GPD2: variants seen among roughly 807,000 people sequenced by gnomAD.
GPD2 encodes the protein glycerol-3-phosphate dehydrogenase, mitochondrial.
A neutral mutation model predicts 82.4 loss-of-function variants in GPD2; 54 were observed. The observed-to-expected ratio is 0.66, with a 90% CI of 0.53 to 0.82. The LOEUF (loss-of-function observed/expected upper bound fraction) is 0.82. Ranked by LOEUF, GPD2 falls within the 40% of genes least tolerant of loss-of-function variation. The probability of loss-of-function intolerance (pLI) is 0.00; values close to 1 mark genes in which losing one functional copy is unlikely to be tolerated. For missense variants in GPD2, 748 were observed against 896.2 expected (o/e 0.83, Z 2.11); for synonymous variants, 288 against 306.1 (o/e 0.94, Z 0.62).
intron 9 of GPD2, among the ~76,000 whole-genome samples, chr2:156,566,412 C>T (rs969549484): frequency 1.3e-5 from 2 of 152,108 alleles, no homozygotes; most frequent in African/African-American, 4.8e-5. Flanking sequence ...AACTACCATT[C>T]TACTTTCTGC....
the GPD2 span, among the ~76,000 whole-genome samples, chr2:156,409,018 C>A: frequency 1.3e-5 from 2 of 152,136 alleles, no homozygotes; most frequent in South Asian, 4.1e-4. Context: ...GAGAGACACG[C>A]ATACCATCTG....
intron 6 of GPD2, among the ~76,000 whole-genome samples, chr2:156,522,756 C>A (rs1441867637): frequency 6.7e-6 from 1 of 149,118 alleles, no homozygotes; most frequent in Non-Finnish European, 1.5e-5. Flanking sequence ...ATTATGATCT[C>A]TATTTTACAG....
chr2:156,528,783 G>A (rs1685712677), intron 6 of GPD2, among the ~76,000 whole-genome samples: 1 of 151,860 alleles, frequency 6.6e-6, no homozygotes. Flanking sequence ...ATTTTTTATG[G>A]CTGCATAGTA....
the GPD2 span, among the ~76,000 whole-genome samples, chr2:156,426,208 C>T: frequency 9.8e-5 from 15 of 152,314 alleles, no homozygotes; most frequent in East Asian, 1.9e-3. Flanking sequence ...CAGGCGTGAG[C>T]CACCACGCCC....
At position 156,566,228 on chromosome 2, in the gene GPD2, A is replaced by G. The variant is rs188259320; in HGVS notation, c.1166-2597A>G. On this transcript the variant is annotated intron_variant, in intron 9 of 16. Transcript: ENST00000438166. ...TAGATTATGGTTAAATATGCAGAAC[A>G]TAAAATTTACCATTTTAACCATTTT... Among the ~76,000 whole-genome samples, 569 of 152,264 alleles carry G rather than the reference A, an allele frequency of 3.7e-3. 2 individuals are homozygous for G. Among genetic ancestry groups the G allele is most frequent in the Non-Finnish European group, 6.3e-3 (429 of 67,992 alleles).
the GPD2 span, among the ~76,000 whole-genome samples, chr2:156,415,582 A>T: frequency 7.0e-4 from 107 of 152,110 alleles, no homozygotes; most frequent in African/African-American, 2.4e-3. Context: ...AGGGCCAGGC[A>T]CTGTGGCTCA....
In GPD2 at chr2:156,527,280, T is replaced by C. The variant is rs369602300; in HGVS notation, c.661+13784T>C. 1.8e-4 allele frequency among the ~76,000 whole-genome samples: 27 copies of C among 152,226 alleles called. No homozygotes were observed. In the East Asian group the frequency reaches 5.0e-3, roughly 28 times the overall value. ...AAAAAAAAAACTGTGAAAAAAAGTC[T>C]TCGGTACATAGTTTTTATAAATATA... On this transcript the variant is annotated intron_variant, in intron 6 of 16. Coordinates refer to ENST00000438166, the MANE Select transcript of GPD2 (RefSeq NM_000408.5).
chr2:156,412,402 G>A, the GPD2 span, among the ~76,000 whole-genome samples: 6 of 149,264 alleles, frequency 4.0e-5, no homozygotes, highest in African/African-American at 1.5e-4. Context: ...TCTTGCCACT[G>A]CACTACAGCC....
At chr2:156,513,606 A>G in intron 6 of GPD2, 110 bp downstream of exon 6, 1 of 850,704 alleles carries the variant, frequency 1.2e-6, no homozygotes, top group Non-Finnish European at 1.9e-6. Flanking sequence ...CTAATCTTAC[A>G]CAACACACAA....
At chr2:156,438,223 CAA>C (rs552797479) in intron 1 of GPD2, among the ~76,000 whole-genome samples, 430 of 152,282 alleles carry the variant, frequency 2.8e-3, no homozygotes, top group South Asian at 0.013. Context: ...AGCGGGGAGC[CAA>C]AGACTTTGGC....
intron 6 of GPD2, among the ~76,000 whole-genome samples, chr2:156,524,378 T>C (rs1685530186): frequency 6.6e-6 from 1 of 152,182 alleles, no homozygotes; most frequent in Non-Finnish European, 1.5e-5. Context: ...AGCTGGGTGG[T>C]TGTCACTTGG....
chr2:156,532,293 C>A (rs1187041964), intron 6 of GPD2, among the ~76,000 whole-genome samples: 4 of 152,172 alleles, frequency 2.6e-5, no homozygotes, highest in Non-Finnish European at 4.4e-5. Flanking sequence ...AGATGTGAGC[C>A]ACTGCATCCA....
chr2:156,549,828 A>G, intron 7 of GPD2, 56 bp downstream of exon 7: 1 of 1,240,910 alleles, frequency 8.1e-7, no homozygotes, highest in South Asian at 1.2e-5. Flanking sequence ...AGCTTATATA[A>G]TGACTGAATT....
At chr2:156,446,996 C>T (rs1682390647) in intron 1 of GPD2, among the ~76,000 whole-genome samples, 1 of 152,072 alleles carries the variant, frequency 6.6e-6, no homozygotes, top group Admixed American at 6.6e-5. Context: ...TTGATGCTTT[C>T]CCCCGTACTC....
At chr2:156,543,521 T>G (rs900207191) in intron 6 of GPD2, among the ~76,000 whole-genome samples, 1 of 152,176 alleles carries the variant, frequency 6.6e-6, no homozygotes, top group Non-Finnish European at 1.5e-5. Flanking sequence ...AATAAATGAG[T>G]GAATATTCCA....
At chr2:156,419,049 CTTTTTTTTTTTTTTT>C in the GPD2 span, among the ~76,000 whole-genome samples, 3 of 77,216 alleles carry the variant, frequency 3.9e-5, no homozygotes, top group Non-Finnish European at 8.0e-5. Flanking sequence ...TTCTTTCCTT[CTTTTTTTTTTTTTTT>C]TTTTTTTTTT....
intron 1 of GPD2, among the ~76,000 whole-genome samples, chr2:156,444,605 C>T (rs1403656092): frequency 6.6e-6 from 1 of 151,922 alleles, no homozygotes; most frequent in Non-Finnish European, 1.5e-5. Flanking sequence ...CCTAGCTACT[C>T]GGGAGGCTGA....
chr2:156,459,706 A>AAAAAAAAAAAAAAAAG (rs1553465808), intron 1 of GPD2, among the ~76,000 whole-genome samples: 2 of 148,968 alleles, frequency 1.3e-5, no homozygotes, highest in South Asian at 2.2e-4. Flanking sequence ...AAAAAAAAAA[A>AAAAAAAAAAAAAAAAG]AAAGAAAGAA....
At chr2:156,489,862 C>T (rs569075969) in intron 2 of GPD2, among the ~76,000 whole-genome samples, 3 of 127,612 alleles carry the variant, frequency 2.4e-5, no homozygotes, top group South Asian at 3.1e-4. Context: ...TCTTCCCTCC[C>T]TTCCTTCCTT....
Sources: gnomAD v4.1 joint callset for allele counts (sites outside exome capture counted in the v4.1 genomes callset) on GRCh38, gnomAD v4.1.1 for gene constraint, MANE v1.5 for transcripts, NCBI Gene and HGNC (gene_info 2026-07-23, HGNC 2026-07-21) for gene names.